The following PTPRG variants were observed in gnomAD, a reference collection of about 807,000 sequenced individuals.
PTPRG encodes receptor-type tyrosine-protein phosphatase gamma.
In PTPRG, 102 loss-of-function variants were observed where a neutral mutation model predicts 165.3. The ratio of observed to expected loss-of-function variants is 0.62; its 90% CI spans 0.53 to 0.73. PTPRG has a LOEUF of 0.73. Ranked by LOEUF, PTPRG falls within the 30% of genes least tolerant of loss-of-function variation. PTPRG has a pLI of 0.00. For missense variants in PTPRG, 1,866 were observed against 1,861.4 expected, an observed-to-expected ratio of 1.00 and a Z score of -0.05; for synonymous variants, 675 against 669.5, an observed-to-expected ratio of 1.01 and a Z score of -0.13.
chr3:61,786,597 C>G (rs1258538175), intron 2 of PTPRG, among the ~76,000 whole-genome samples: 1 of 152,172 alleles, frequency 6.6e-6, no homozygotes, highest in Non-Finnish European at 1.5e-5. Context: ...CACCCCCAGA[C>G]TGGGTATGTA....
At chr3:62,208,065 C>T (rs558773857) in intron 12 of PTPRG, among the ~76,000 whole-genome samples, 2 of 152,238 alleles carry the variant, frequency 1.3e-5, no homozygotes, top group South Asian at 4.2e-4. Flanking sequence ...CAAACTAAAC[C>T]CATCCCTGGG....
intron 14 of PTPRG, among the ~76,000 whole-genome samples, chr3:62,242,523 C>G (rs940426872): frequency 6.6e-6 from 1 of 152,192 alleles, no homozygotes; most frequent in Non-Finnish European, 1.5e-5. Context: ...AAGAACAGCG[C>G]TTCATACTAT....
chr3:61,601,117 G>C (rs540014688), intron 1 of PTPRG, among the ~76,000 whole-genome samples: 1 of 152,140 alleles, frequency 6.6e-6, no homozygotes, highest in Non-Finnish European at 1.5e-5. Context: ...TTAGCCAGAC[G>C]TGATGGCACA....
chr3:61,592,825 A>T (rs1700605556), intron 1 of PTPRG, among the ~76,000 whole-genome samples: 1 of 152,046 alleles, frequency 6.6e-6, no homozygotes, highest in African/African-American at 2.4e-5. Context: ...TTTCCCCCAC[A>T]AGTTCCCATA....
chr3:61,683,067 C>T (rs1409852271), intron 1 of PTPRG, among the ~76,000 whole-genome samples: 1 of 152,204 alleles, frequency 6.6e-6, no homozygotes, highest in Non-Finnish European at 1.5e-5. Context: ...CCTAACAAAG[C>T]TCAAGGTGTC....
intron 1 of PTPRG, chr3:61,742,403 ATTTTTTTTT>A (rs34010935): frequency 2.7e-6 from 2 of 734,642 alleles, no homozygotes; most frequent in African/African-American, 4.1e-5. Context: ...TGGGTCTGGA[ATTTTTTTTT>A]TTTTTTTTTT....
chr3:61,574,089 A>G (rs1700124515), intron 1 of PTPRG, among the ~76,000 whole-genome samples: 1 of 151,068 alleles, frequency 6.6e-6, no homozygotes, highest in Non-Finnish European at 1.5e-5. Flanking sequence ...TCTGGTGGTC[A>G]TTGTATCAAA....
At chr3:61,839,851 A>T (rs568679499) in intron 2 of PTPRG, among the ~76,000 whole-genome samples, 3 of 152,212 alleles carry the variant, frequency 2.0e-5, no homozygotes, top group Non-Finnish European at 4.4e-5. Flanking sequence ...TTGCCTACAC[A>T]GCATTTTTTG....
intron 1 of PTPRG, among the ~76,000 whole-genome samples, chr3:61,714,456 A>G (rs975147783): frequency 1.3e-5 from 2 of 152,172 alleles, no homozygotes; most frequent in African/African-American, 4.8e-5. Context: ...AGCAGCCATG[A>G]TGGGACCACG....
intron 1 of PTPRG, among the ~76,000 whole-genome samples, chr3:61,662,519 AC>A (rs1234583165): frequency 2.6e-5 from 4 of 152,152 alleles, no homozygotes; most frequent in Admixed American, 2.0e-4. Flanking sequence ...AACTGCTCTT[AC>A]ATCCATGCCC....
intron 4 of PTPRG, among the ~76,000 whole-genome samples, chr3:62,026,994 G>A (rs925073258): frequency 7.9e-5 from 12 of 151,626 alleles, no homozygotes; most frequent in Admixed American, 2.0e-4. Context: ...ATGAATAGGA[G>A]CAATTATTAT....
intron 2 of PTPRG, among the ~76,000 whole-genome samples, chr3:61,778,118 C>A (rs1261817140): frequency 1.3e-5 from 2 of 152,232 alleles, no homozygotes; most frequent in East Asian, 3.9e-4. Flanking sequence ...TGCAAGTTAT[C>A]CAGGTTCTTG....
At chr3:62,187,346 G>A (rs1487857513) in intron 8 of PTPRG, among the ~76,000 whole-genome samples, 4 of 152,204 alleles carry the variant, frequency 2.6e-5, no homozygotes, top group Non-Finnish European at 5.9e-5. Flanking sequence ...CCTTACTGTC[G>A]CAATCTGGGA....
chr3:62,080,954 T>TA (rs1021590823), intron 5 of PTPRG, among the ~76,000 whole-genome samples: 5 of 152,178 alleles, frequency 3.3e-5, no homozygotes, highest in African/African-American at 1.2e-4. Flanking sequence ...GGTCAGATGA[T>TA]AAAAAATAGA....
chr3:61,817,236 A>G (rs1377403099), intron 2 of PTPRG, among the ~76,000 whole-genome samples: 1 of 141,674 alleles, frequency 7.1e-6, no homozygotes, highest in Non-Finnish European at 1.5e-5. Flanking sequence ...ATATTTATAG[A>G]GAGCTGTTGG....
Position 61,612,664 on chromosome 3 carries a change from A to G in PTPRG, c.85+50292A>G, listed in dbSNP as rs74683455. On this transcript the variant is annotated intron_variant, in intron 1 of 29. Transcript: ENST00000474889. The stretch of plus-strand genomic sequence containing the variant: ...CCCGTCTTCTCTACATTAAAGGTGC[A>G]TTAGTGTATTCTCAGTGCAACACTT... 2.8e-4 allele frequency among the ~76,000 whole-genome samples: 42 copies of G among 152,274 alleles called. No homozygotes were observed. In the East Asian group the frequency reaches 6.8e-3, roughly 24 times the overall value.
intron 2 of PTPRG, among the ~76,000 whole-genome samples, chr3:61,964,322 A>T (rs1284827006): frequency 6.6e-6 from 1 of 152,216 alleles, no homozygotes; most frequent in Non-Finnish European, 1.5e-5. Context: ...TCTTCACTGA[A>T]GTATAAAGTG....
At chr3:61,911,262 G>T (rs961094393) in intron 2 of PTPRG, among the ~76,000 whole-genome samples, 1 of 152,192 alleles carries the variant, frequency 6.6e-6, no homozygotes, top group Admixed American at 6.5e-5. Flanking sequence ...CATGAGGTCA[G>T]TACCTGTGCC....
chr3:61,691,464 T>C lies in PTPRG; in HGVS notation c.86-57414T>C, dbSNP rs143932899. On this transcript the variant is annotated intron_variant, in intron 1 of 29. Transcript: ENST00000474889. ...GCAAAATGGAGTGTGATCCTATTTG[T>C]GCTTCATATATATGAGGATCAGGAC... 6.2e-3 allele frequency among the ~76,000 whole-genome samples: 949 copies of C among 152,284 alleles called. 8 individuals are homozygous for C. Among genetic ancestry groups the C allele is most frequent in the South Asian group, 0.024 (115 of 4,820 alleles).
Sources: gnomAD v4.1 joint callset for allele counts (sites outside exome capture counted in the v4.1 genomes callset) on GRCh38, gnomAD v4.1.1 for gene constraint, MANE v1.5 for transcripts, NCBI Gene and HGNC (gene_info 2026-07-23, HGNC 2026-07-21) for gene names.